Variants in FAM184A observed in about 807,000 individuals in gnomAD.
FAM184A encodes family with sequence similarity 184 member A.
FAM184A carries 99 observed loss-of-function variants against 143.8 expected under a neutral mutation model. The ratio of observed to expected loss-of-function variants is 0.69; its 90% confidence interval spans 0.58 to 0.81. The LOEUF is 0.81. Among genes scored for constraint, FAM184A ranks in the 40% least tolerant of loss-of-function variants. The pLI is 0.00. For missense variants in FAM184A, 1,217 were observed against 1,310.5 expected, an observed-to-expected ratio of 0.93 and a Z score of 1.10; for synonymous variants, 427 against 446.4, an observed-to-expected ratio of 0.96 and a Z score of 0.55.
chr6:119,019,951 G>A (rs1281285098), intron 4 of FAM184A, 27 bp downstream of exon 4: 3 of 1,478,702 alleles, frequency 2.0e-6, no homozygotes, highest in Admixed American at 2.6e-5. Flanking sequence ...CTCTTTCGGG[G>A]GGAATGGAGT....
At chr6:119,142,528 A>C (rs939893946) in intron 1 of FAM184A, among the ~76,000 whole-genome samples, 1 of 152,218 alleles carries the variant, frequency 6.6e-6, no homozygotes, top group Admixed American at 6.5e-5. Context: ...TTGGAACTAG[A>C]GTGGAACTCA....
chr6:119,102,729 G>T (rs1231358765), intron 1 of FAM184A, among the ~76,000 whole-genome samples: 1 of 130,498 alleles, frequency 7.7e-6, no homozygotes, highest in African/African-American at 2.9e-5. Flanking sequence ...GGAGGAGGTT[G>T]CAGTGAGCTG....
chr6:119,082,168 A>G (rs897897858), upstream of FAM184A, among the ~76,000 whole-genome samples: 47 of 152,280 alleles, frequency 3.1e-4, no homozygotes, highest in African/African-American at 8.2e-4. Context: ...GTATTATTTG[A>G]AGGGACTATG....
intron 5 of FAM184A, 87 bp downstream of exon 5, chr6:119,016,660 T>G: frequency 1.5e-5 from 18 of 1,173,762 alleles, no homozygotes; most frequent in African/African-American, 3.0e-5. Flanking sequence ...TTGAAGTCAG[T>G]GAGACCAAGA....
chr6:119,048,538 G>C (rs559295098), intron 1 of FAM184A, among the ~76,000 whole-genome samples: 1 of 152,228 alleles, frequency 6.6e-6, no homozygotes, highest in East Asian at 1.9e-4. Context: ...AAAGTTTCAG[G>C]ATACAAAATC....
intron 12 of FAM184A, among the ~76,000 whole-genome samples, chr6:118,975,538 T>G (rs555405756): frequency 6.6e-6 from 1 of 152,218 alleles, no homozygotes; most frequent in Non-Finnish European, 1.5e-5. Context: ...TGCTCTTACA[T>G]CCTCAGTAAG....
chr6:119,136,248 G>A (rs7751267), intron 1 of FAM184A, among the ~76,000 whole-genome samples: 44,643 of 136,784 alleles, frequency 0.33, 7,300 homozygotes, highest in East Asian at 0.53. Flanking sequence ...ACTGCAGTCC[G>A]CAGTCCGGCC....
At chr6:119,011,131 T>C in intron 6 of FAM184A, 178 bp downstream of exon 6, 1 of 529,966 alleles carries the variant, frequency 1.9e-6, no homozygotes, top group East Asian at 3.7e-5. Flanking sequence ...CAGTAAATTT[T>C]ACCTGGTGGA....
At chr6:118,995,806 G>A (rs1169730708) in intron 9 of FAM184A, among the ~76,000 whole-genome samples, 1 of 152,256 alleles carries the variant, frequency 6.6e-6, no homozygotes, top group Non-Finnish European at 1.5e-5. Flanking sequence ...CTCATCACAT[G>A]AAAGAGAAAC....
At chr6:119,109,222 C>T (rs1358580863) in intron 1 of FAM184A, among the ~76,000 whole-genome samples, 1 of 152,158 alleles carries the variant, frequency 6.6e-6, no homozygotes, top group Non-Finnish European at 1.5e-5. Context: ...GCTAATGTGT[C>T]TTTAGTTTTT....
At chr6:119,057,300 A>C (rs780747409) in intron 1 of FAM184A, among the ~76,000 whole-genome samples, 49 of 152,340 alleles carry the variant, frequency 3.2e-4, no homozygotes, top group Non-Finnish European at 5.0e-4. Context: ...AGTGCACATG[A>C]TTATATAGTG....
intron 1 of FAM184A, among the ~76,000 whole-genome samples, chr6:119,145,607 T>C (rs1310776806): frequency 6.6e-6 from 1 of 152,216 alleles, no homozygotes; most frequent in Non-Finnish European, 1.5e-5. Flanking sequence ...CTTGGTTTCT[T>C]ATTTTCAGTA....
Position 119,135,059 on chromosome 6 carries a change from A to G in FAM184A, c.-202+14019T>C, listed in dbSNP as rs539870505. Reference sequence around the variant, plus strand: ...CATATGCACTAGAAAACATGTTTGCAGAAGCCTTACTCTTAAGAACAAAAA... The same window carrying G: ...CATATGCACTAGAAAACATGTTTGCGGAAGCCTTACTCTTAAGAACAAAAA... On this transcript the variant is annotated intron_variant, in intron 1 of 16. Coordinates refer to the FAM184A transcript ENST00000352896. 5.3e-5 allele frequency among the ~76,000 whole-genome samples: 8 copies of G among 152,380 alleles called. No homozygotes were observed. In the East Asian group the frequency reaches 1.5e-3, roughly 29 times the overall value.
At chr6:119,068,208 G>A (rs1021337649) in intron 1 of FAM184A, among the ~76,000 whole-genome samples, 62 of 151,792 alleles carry the variant, frequency 4.1e-4, no homozygotes, top group African/African-American at 1.5e-3. Flanking sequence ...CACCACACTC[G>A]GCTAATTTTT....
intron 1 of FAM184A, among the ~76,000 whole-genome samples, chr6:119,070,636 G>C (rs912526777): frequency 6.6e-6 from 1 of 151,904 alleles, no homozygotes; most frequent in Non-Finnish European, 1.5e-5. Context: ...AAAAAGTAGA[G>C]ATGGGATCTC....
intron 1 of FAM184A, among the ~76,000 whole-genome samples, chr6:119,086,126 A>C (rs530575528): frequency 5.3e-5 from 8 of 152,358 alleles, no homozygotes; most frequent in Non-Finnish European, 1.2e-4. Context: ...CTTTTAAAAA[A>C]ATCTAGCAAA....
chr6:118,975,765 A>C (rs1244607022), intron 12 of FAM184A, 152 bp downstream of exon 12: 1 of 805,986 alleles, frequency 1.2e-6, no homozygotes, highest in Non-Finnish European at 1.9e-6. Context: ...GTCTCAAATA[A>C]ATAAATAACT....
chr6:119,001,704 G>A (rs1004368811), intron 9 of FAM184A, among the ~76,000 whole-genome samples: 3 of 152,096 alleles, frequency 2.0e-5, no homozygotes, highest in African/African-American at 4.8e-5. Flanking sequence ...AAACCCAGCC[G>A]AAAACTGTCT....
intron 1 of FAM184A, among the ~76,000 whole-genome samples, chr6:119,037,128 A>G (rs1786144365): frequency 6.6e-6 from 1 of 152,202 alleles, no homozygotes; most frequent in African/African-American, 2.4e-5. Flanking sequence ...GTGTCTTTAT[A>G]GTAATTTTAA....
Sources: gnomAD v4.1 joint callset for allele counts (sites outside exome capture counted in the v4.1 genomes callset) on GRCh38, gnomAD v4.1.1 for gene constraint, MANE v1.5 for transcripts, NCBI Gene and HGNC (gene_info 2026-07-23, HGNC 2026-07-21) for gene names.